Variants in PCDH15 observed in about 807,000 individuals in gnomAD.
PCDH15 encodes protocadherin-15.
PCDH15 carries 129 observed loss-of-function variants against 178.5 expected under a neutral mutation model. That is an observed-to-expected ratio of 0.72 (90% CI 0.63 to 0.84). The LOEUF (loss-of-function observed/expected upper bound fraction) is 0.84, where lower values mean the gene tolerates loss of function less well. Among genes scored for constraint, PCDH15 ranks in the 40% least tolerant of loss-of-function variants. The pLI is 0.00. For synonymous variants in PCDH15, 800 were observed against 732.0 expected, an observed-to-expected ratio of 1.09 and a Z score of -1.50; for missense variants, 2,230 against 2,099.9, an observed-to-expected ratio of 1.06 and a Z score of -1.21.
At chr10:55,223,864 C>T (rs868793567) in intron 1 of PCDH15, among the ~76,000 whole-genome samples, 42 of 152,106 alleles carry the variant, frequency 2.8e-4, no homozygotes, top group African/African-American at 9.9e-4. Context: ...AAAGTTTCCC[C>T]TATAATTGAA....
At chr10:55,588,016 T>C (rs1277365776) in intron 2 of PCDH15, among the ~76,000 whole-genome samples, 1 of 152,200 alleles carries the variant, frequency 6.6e-6, no homozygotes, top group Non-Finnish European at 1.5e-5. Flanking sequence ...AGGTATAACC[T>C]AGTGTGTGAG....
chr10:54,819,445 A>G (rs1040202987), intron 3 of PCDH15, among the ~76,000 whole-genome samples: 44 of 152,088 alleles, frequency 2.9e-4, no homozygotes, highest in African/African-American at 8.7e-4. Flanking sequence ...GTTTTAAAAA[A>G]CAGAGCTTAT....
At chr10:53,881,434 C>T (rs1057022663) in intron 26 of PCDH15, among the ~76,000 whole-genome samples, 1 of 151,808 alleles carries the variant, frequency 6.6e-6, no homozygotes, top group African/African-American at 2.4e-5. Flanking sequence ...ACTTGTAACC[C>T]CTAAATGTAT....
intron 10 of PCDH15, among the ~76,000 whole-genome samples, chr10:54,202,343 A>G (rs534446716): frequency 1.2e-4 from 19 of 152,018 alleles, no homozygotes; most frequent in African/African-American, 3.9e-4. Context: ...AGAGGGAGGG[A>G]GGAAGAAAAA....
intron 2 of PCDH15, among the ~76,000 whole-genome samples, chr10:55,100,628 G>C (rs930356142): frequency 6.6e-6 from 1 of 152,084 alleles, no homozygotes; most frequent in African/African-American, 2.4e-5. Context: ...AGCAAGAGAG[G>C]GAGAGGTGTT....
At chr10:54,194,683 T>C (rs908906192) in intron 11 of PCDH15, among the ~76,000 whole-genome samples, 6 of 150,752 alleles carry the variant, frequency 4.0e-5, no homozygotes, top group African/African-American at 1.5e-4. Flanking sequence ...TATCTATCTA[T>C]CTATCTATAT....
rs553123259 is a variant in PCDH15 at position 54,996,676 on chromosome 10, G to A, written c.-79-99176C>T. On this transcript the variant is annotated intron_variant, in intron 2 of 5. Transcript: ENST00000458638. Reference sequence around the variant, plus strand: ...TTGGATTCATTTTGCTATTGAATGGGAAAGCAGGATGGAGTTTTGTGAACC... The same window carrying A: ...TTGGATTCATTTTGCTATTGAATGGAAAAGCAGGATGGAGTTTTGTGAACC... Among the ~76,000 whole-genome samples the A allele has an allele frequency of 2.5e-3, 386 of 152,240 alleles. 1 individual carries two copies. The highest frequency in any genetic ancestry group is 4.3e-3 in the Non-Finnish European group (293 of 68,022).
At chr10:55,433,701 A>G (rs1838948160) in intron 2 of PCDH15, among the ~76,000 whole-genome samples, 1 of 152,152 alleles carries the variant, frequency 6.6e-6, no homozygotes, top group South Asian at 2.1e-4. Context: ...TATAATTTTT[A>G]TATCCTCTTC....
intron 18 of PCDH15, among the ~76,000 whole-genome samples, chr10:54,031,371 C>T (rs1315893366): frequency 6.6e-6 from 1 of 151,972 alleles, no homozygotes; most frequent in Non-Finnish European, 1.5e-5. Flanking sequence ...TAGCAAAACT[C>T]ACTTTTTATT....
At chr10:55,238,295 A>G (rs536163280) in intron 1 of PCDH15, among the ~76,000 whole-genome samples, 19 of 151,776 alleles carry the variant, frequency 1.3e-4, no homozygotes, top group South Asian at 8.3e-4. Flanking sequence ...GATTACAGGC[A>G]CCCGCTACCA....
At chr10:55,033,156 G>C (rs1840652241) in intron 2 of PCDH15, among the ~76,000 whole-genome samples, 1 of 152,142 alleles carries the variant, frequency 6.6e-6, no homozygotes, top group African/African-American at 2.4e-5. Context: ...TTTTGTCACG[G>C]GCGGGAGCAC....
intron 26 of PCDH15, among the ~76,000 whole-genome samples, chr10:53,882,584 A>G (rs2133358710): frequency 6.6e-6 from 1 of 152,190 alleles, no homozygotes; most frequent in South Asian, 2.1e-4. Flanking sequence ...TCTGGTCTCG[A>G]ACTCCTGACC....
intron 2 of PCDH15, among the ~76,000 whole-genome samples, chr10:55,453,774 T>A (rs1337431052): frequency 6.6e-6 from 1 of 152,080 alleles, no homozygotes; most frequent in Non-Finnish European, 1.5e-5. Flanking sequence ...CCTACCTCTA[T>A]ACCTTAGGTA....
chr10:55,120,059 T>C (rs541162141), intron 2 of PCDH15, among the ~76,000 whole-genome samples: 1 of 152,032 alleles, frequency 6.6e-6, no homozygotes, highest in South Asian at 2.1e-4. Context: ...AGAGAGAACA[T>C]TTAAGGCAAA....
intron 18 of PCDH15, among the ~76,000 whole-genome samples, chr10:54,066,426 G>C (rs2094138242): frequency 6.6e-6 from 1 of 151,906 alleles, no homozygotes. Flanking sequence ...TATATTTTGA[G>C]GTCTAAATGT....
chr10:53,918,530 AG>A (rs2083720270), intron 25 of PCDH15, among the ~76,000 whole-genome samples: 1 of 152,238 alleles, frequency 6.6e-6, no homozygotes, highest in Non-Finnish European at 1.5e-5. Flanking sequence ...TTCAAAAGAC[AG>A]ACAAGTACAG....
chr10:54,536,356 CTG>C (rs1417965233), intron 2 of PCDH15, among the ~76,000 whole-genome samples: 9 of 149,654 alleles, frequency 6.0e-5, no homozygotes. Context: ...TAAAATATGT[CTG>C]TTTTTTAAAA....
At chr10:55,180,014 T>A (rs570434067) in intron 1 of PCDH15, among the ~76,000 whole-genome samples, 1 of 152,138 alleles carries the variant, frequency 6.6e-6, no homozygotes, top group African/African-American at 2.4e-5. Context: ...GGAGATAAGT[T>A]GGCTCTTGTT....
chr10:54,914,569 G>A (rs1381722279), intron 2 of PCDH15, among the ~76,000 whole-genome samples: 1 of 152,070 alleles, frequency 6.6e-6, no homozygotes, highest in East Asian at 1.9e-4. Flanking sequence ...GGAATAGGGG[G>A]CCTTATGCTG....
Sources: allele counts gnomAD v4.1 joint callset (sites outside exome capture counted in the v4.1 genomes callset), GRCh38; gene constraint gnomAD v4.1.1; transcripts MANE v1.5; gene names NCBI Gene and HGNC (gene_info 2026-07-23, HGNC 2026-07-21).